Variants in CPB1 observed in about 807,000 individuals in gnomAD.
CPB1 encodes carboxypeptidase B1.
Under a neutral mutation model 51.4 loss-of-function variants are expected in CPB1, and 53 were observed. The ratio of observed to expected loss-of-function variants is 1.03; its 90% CI spans 0.83 to 1.30. CPB1 has a LOEUF of 1.30. CPB1 is among the 50% of genes most tolerant of loss of function. The pLI, the probability that CPB1 is intolerant of heterozygous loss-of-function variation, is 0.00. For synonymous variants in CPB1, 189 were observed against 186.9 expected (o/e 1.01, Z -0.09); for missense variants, 494 against 516.2 (o/e 0.96, Z 0.42).
intron 5 of CPB1, 35 bp downstream of exon 5, chr3:148,841,010 A>T: frequency 6.5e-7 from 1 of 1,537,584 alleles, no homozygotes; most frequent in Non-Finnish European, 9.0e-7. Context: ...GCCATGTCTG[A>T]GGGCTTTAAA....
At chr3:148,859,677 G>A in intron 10 of CPB1, 138 bp from the exon 11 acceptor site, 1 of 705,888 alleles carries the variant, frequency 1.4e-6, no homozygotes, top group Non-Finnish European at 2.3e-6. Context: ...TAACATTTAT[G>A]ATCCAGTTTA....
intron 9 of CPB1, among the ~76,000 whole-genome samples, chr3:148,846,435 T>G (rs972820156): frequency 7.2e-5 from 11 of 151,810 alleles, no homozygotes; most frequent in African/African-American, 2.7e-4. Flanking sequence ...TTAAAGCATT[T>G]GAGTTATGCC....
At chr3:148,837,197 T>TTGC (rs1712930092) in intron 3 of CPB1, among the ~76,000 whole-genome samples, 1 of 152,204 alleles carries the variant, frequency 6.6e-6, no homozygotes, top group Admixed American at 6.5e-5. Flanking sequence ...TGTAGAAAGA[T>TTGC]TGCTTTGCCC....
At chr3:148,851,722 A>G (rs939464648) in intron 9 of CPB1, 4 of 152,392 alleles carry the variant, frequency 2.6e-5, no homozygotes, top group Admixed American at 1.3e-4. Context: ...CAAATGAACA[A>G]TGGAGAAACT....
intron 9 of CPB1, among the ~76,000 whole-genome samples, chr3:148,846,079 T>C (rs1713230366): frequency 6.6e-6 from 1 of 152,208 alleles, no homozygotes; most frequent in African/African-American, 2.4e-5. Flanking sequence ...ATATCAAGTT[T>C]AGTCATTAAA....
intron 2 of CPB1, among the ~76,000 whole-genome samples, chr3:148,833,740 TA>T (rs72471320): frequency 0.11 from 16,112 of 144,928 alleles, 1,538 homozygotes; most frequent in African/African-American, 0.26. Flanking sequence ...ATCCACAGAT[TA>T]AAAAAAAAAA....
chr3:148,838,166 T>C (rs1712962496), intron 3 of CPB1: 1 of 152,120 alleles, frequency 6.6e-6, no homozygotes, highest in Non-Finnish European at 1.5e-5. Flanking sequence ...GAGAATGGAG[T>C]GAACTCAGGA....
intron 6 of CPB1, among the ~76,000 whole-genome samples, chr3:148,842,790 C>A (rs199709338): frequency 1.3e-5 from 2 of 152,000 alleles, no homozygotes; most frequent in Non-Finnish European, 2.9e-5. Context: ...ATAAACCTAG[C>A]AGAAGGAACT....
chr3:148,843,471 A>T (rs545400203), intron 6 of CPB1, among the ~76,000 whole-genome samples: 42 of 152,176 alleles, frequency 2.8e-4, no homozygotes, highest in Non-Finnish European at 5.6e-4. Context: ...GATTGGCATC[A>T]CTTAGCTTCA....
chr3:148,831,402 A>G (rs1377207801), intron 2 of CPB1, among the ~76,000 whole-genome samples: 1 of 152,248 alleles, frequency 6.6e-6, no homozygotes, highest in East Asian at 1.9e-4. Flanking sequence ...AAATTTCACC[A>G]AGATAAATGA....
chr3:148,859,924 C>G lies in CPB1; in HGVS notation c.1176C>G (p.Ser392=). 6.2e-7 allele frequency: 1 copy of G among 1,614,156 alleles called. No individual in the cohort carries two copies. Among genetic ancestry groups the G allele is most frequent in the Admixed American group, 1.7e-5 (1 of 60,010 alleles). ...TGRYGFLLPE[S]QIRATCEETF... is the part of the protein sequence containing the mutation. Reference sequence around the variant, plus strand: ...GATATGGCTTTCTCCTTCCAGAATCCCAGATCCGGGCTACCTGCGAGGAGA... The same window carrying G: ...GATATGGCTTTCTCCTTCCAGAATCGCAGATCCGGGCTACCTGCGAGGAGA... The change falls in exon 11 of 11, where the codon TCC becomes TCG. Residue 392 remains serine (S), a synonymous_variant. Coordinates refer to ENST00000282957, the MANE Select transcript of CPB1 (RefSeq NM_001871.3).
rs747268326 is a variant in CPB1, at chr3:148,840,926, G to A, written c.425G>A (p.Arg142His). 8.1e-6 allele frequency: 13 copies of A among 1,613,858 alleles called. No individual in the cohort carries two copies. Among genetic ancestry groups the A allele is most frequent in the African/African-American group, 1.3e-5 (1 of 74,880 alleles). The change falls in exon 5 of 11, where the codon CGC becomes CAC. Residue 142 changes from arginine to histidine, a missense_variant. By Grantham distance (29) the Arg-to-His change is conservative. Transcript: ENST00000282957. ...VATENPALIS[R>H]SVIGTTFEGR... ...ACTGAGAATCCAGCCCTCATCTCTC[G>A]CAGTGTTATCGGAACCACATTTGAG...
At chr3:148,841,023 A>G in intron 5 of CPB1, 48 bp downstream of exon 5, 1 of 1,433,844 alleles carries the variant, frequency 7.0e-7, no homozygotes. Flanking sequence ...GCTTTAAATC[A>G]ATGAATTCTA....
intron 3 of CPB1, among the ~76,000 whole-genome samples, chr3:148,836,796 T>A (rs1472803971): frequency 6.6e-6 from 1 of 152,174 alleles, no homozygotes; most frequent in Non-Finnish European, 1.5e-5. Flanking sequence ...TTGCAAGCAG[T>A]CCCTGTGCAT....
intron 9 of CPB1, 162 bp from the exon 10 acceptor site, chr3:148,857,295 T>A: frequency 1.8e-6 from 1 of 567,196 alleles, no homozygotes; most frequent in Non-Finnish European, 3.2e-6. Flanking sequence ...TTGGATCATA[T>A]CACTAGGTTA....
At chr3:148,835,686 G>A (rs1430845385) in intron 3 of CPB1, among the ~76,000 whole-genome samples, 1 of 152,172 alleles carries the variant, frequency 6.6e-6, no homozygotes, top group African/African-American at 2.4e-5. Flanking sequence ...ACAAAGTCTT[G>A]GGCTCCGGTC....
intron 3 of CPB1, among the ~76,000 whole-genome samples, chr3:148,838,749 T>C (rs1295330037): frequency 6.6e-6 from 1 of 152,224 alleles, no homozygotes; most frequent in African/African-American, 2.4e-5. Context: ...GGATATTTAC[T>C]AATCAAATGA....
At chr3:148,830,732 C>T (rs1295841994) in intron 2 of CPB1, among the ~76,000 whole-genome samples, 9 of 152,026 alleles carry the variant, frequency 5.9e-5, no homozygotes, top group African/African-American at 2.2e-4. Flanking sequence ...AATTTCATCT[C>T]TCAGTAGTAA....
Position 148,832,192 on chromosome 3 carries a change from A to C in CPB1, c.148-2306A>C, listed in dbSNP as rs150600601. On this transcript the variant is annotated intron_variant, in intron 2 of 10. Transcript: ENST00000282957. ...ATAATTCTTGCACTGAAATCTTAAAAGTAACACTTTCTCTAAATATATAGA... is the reference window on the plus strand; with the variant it reads ...ATAATTCTTGCACTGAAATCTTAAACGTAACACTTTCTCTAAATATATAGA... Among the ~76,000 whole-genome samples the C allele has an allele frequency of 2.3e-3, 343 of 152,344 alleles. 5 individuals carry two copies. The highest frequency in any genetic ancestry group is 8.0e-3 in the African/African-American group (334 of 41,582).
Sources: gnomAD v4.1 joint callset for allele counts (sites outside exome capture counted in the v4.1 genomes callset) on GRCh38, gnomAD v4.1.1 for gene constraint, MANE v1.5 for transcripts, NCBI Gene and HGNC (gene_info 2026-07-23, HGNC 2026-07-21) for gene names.